The following FGF12 variants were observed in gnomAD, a reference collection of about 807,000 sequenced individuals.
The protein encoded by FGF12 is fibroblast growth factor 12.
Under a neutral mutation model 23.6 loss-of-function variants are expected in FGF12, and 14 were observed. The ratio of observed to expected loss-of-function variants is 0.59; its 90% CI spans 0.39 to 0.93. FGF12 has a LOEUF of 0.93. FGF12 is among the 40% of genes least tolerant of loss of function. FGF12 has a pLI of 0.00. For synonymous variants in FGF12, 62 were observed against 77.3 expected (o/e 0.80, Z 1.04); for missense variants, 175 against 217.8 (o/e 0.80, Z 1.24).
At chr3:192,330,723 C>CAACA (rs140219000) in intron 4 of FGF12, among the ~76,000 whole-genome samples, 5,703 of 151,636 alleles carry the variant, frequency 0.038, 201 homozygotes, top group South Asian at 0.17. Flanking sequence ...AACAAAACAA[C>CAACA]AACAAACAAA....
At chr3:192,274,951 C>G (rs890254420) in intron 4 of FGF12, among the ~76,000 whole-genome samples, 3 of 151,602 alleles carry the variant, frequency 2.0e-5, no homozygotes, top group Admixed American at 6.6e-5. Context: ...CAACTGTTTT[C>G]AAAGGGAAAA....
intron 2 of FGF12, among the ~76,000 whole-genome samples, chr3:192,458,812 T>C (rs900467176): frequency 2.0e-5 from 3 of 152,188 alleles, no homozygotes; most frequent in Non-Finnish European, 4.4e-5. Context: ...TGGAATGATA[T>C]GGTTTCGCTG....
chr3:192,248,683 C>T (rs1040145806), intron 4 of FGF12, among the ~76,000 whole-genome samples: 30 of 152,208 alleles, frequency 2.0e-4, no homozygotes, highest in African/African-American at 5.5e-4. Flanking sequence ...GAGACTGAGG[C>T]GGGAGGATGA....
intron 4 of FGF12, among the ~76,000 whole-genome samples, chr3:192,247,032 A>AGAAGGAAGGAAGGAAGGAAGGAAGGAAG (rs71177355): frequency 1.2e-5 from 1 of 86,320 alleles, no homozygotes; most frequent in African/African-American, 4.6e-5. Context: ...AGGGAAGGAA[A>AGAAGGAAGGAAGGAAGGAAGGAAGGAAG]GAAGGAAGGA....
intron 4 of FGF12, among the ~76,000 whole-genome samples, chr3:192,256,019 T>A (rs1341629449): frequency 6.6e-6 from 1 of 152,112 alleles, no homozygotes; most frequent in East Asian, 1.9e-4. Flanking sequence ...TGTTATGGTT[T>A]AACTTGTTAT....
intron 3 of FGF12, among the ~76,000 whole-genome samples, chr3:192,343,485 A>T (rs751099756): frequency 1.3e-5 from 2 of 152,156 alleles, no homozygotes; most frequent in African/African-American, 2.4e-5. Context: ...TAATATTTGC[A>T]GGCCACTCAA....
intron 4 of FGF12, among the ~76,000 whole-genome samples, chr3:192,219,354 G>C (rs9880807): frequency 0.33 from 49,913 of 151,950 alleles, 9,373 homozygotes; most frequent in East Asian, 0.89. Flanking sequence ...CAAAGTGCTG[G>C]GATTACAGAT....
intron 2 of FGF12, among the ~76,000 whole-genome samples, chr3:192,652,241 T>C (rs1323359216): frequency 1.3e-5 from 2 of 152,182 alleles, no homozygotes; most frequent in South Asian, 2.1e-4. Flanking sequence ...ATCATGTTCA[T>C]GAGAATCAGA....
chr3:192,340,336 C>A (rs1211433357), intron 3 of FGF12, among the ~76,000 whole-genome samples: 1 of 151,904 alleles, frequency 6.6e-6, no homozygotes, highest in Non-Finnish European at 1.5e-5. Flanking sequence ...GTAAGCTCTC[C>A]AAAACAAAAC....
At chr3:192,155,109 G>A (rs1403852895) in intron 5 of FGF12, among the ~76,000 whole-genome samples, 25 of 148,566 alleles carry the variant, frequency 1.7e-4, no homozygotes, top group African/African-American at 5.7e-4. Context: ...TCTTTGACTC[G>A]GAAAGGGAAC....
intron 2 of FGF12, among the ~76,000 whole-genome samples, chr3:192,406,182 T>C (rs1165289683): frequency 6.6e-6 from 1 of 151,912 alleles, no homozygotes; most frequent in Non-Finnish European, 1.5e-5. Flanking sequence ...GCAAATACAG[T>C]CCTTCCTTCC....
In FGF12 at chr3:192,408,083, C is replaced by A; in HGVS notation, c.14-47545G>T. 6.2e-7 allele frequency: 1 copy of A among 1,613,200 alleles called. No individual in the cohort carries two copies. Among genetic ancestry groups the A allele is most frequent in the South Asian group, 1.1e-5 (1 of 91,078 alleles). On this transcript the variant is annotated intron_variant, in intron 2 of 5. Transcript: ENST00000445105. The surrounding 1 kb of genome is among the most constrained non-coding windows in gnomAD (Gnocchi z 7.3). ...TGCAGAAGCGCACTTTGCTGAACAC[C>A]CCGAGGACGTGCCTCTCGCACAGGG...
At chr3:192,496,290 GC>G (rs1359680095) in intron 2 of FGF12, among the ~76,000 whole-genome samples, 1 of 151,310 alleles carries the variant, frequency 6.6e-6, no homozygotes, top group African/African-American at 2.4e-5. Flanking sequence ...CTCGGGGGGA[GC>G]TTTTCTAAAA....
chr3:192,652,398 T>C (rs1447176119), intron 2 of FGF12, among the ~76,000 whole-genome samples: 1 of 152,164 alleles, frequency 6.6e-6, no homozygotes, highest in Non-Finnish European at 1.5e-5. Flanking sequence ...GGAAGGTAGT[T>C]CTTTTGGCCT....
At chr3:192,459,023 T>C (rs1171229327) in intron 2 of FGF12, among the ~76,000 whole-genome samples, 1 of 152,190 alleles carries the variant, frequency 6.6e-6, no homozygotes, top group Non-Finnish European at 1.5e-5. Context: ...GCCACCACCA[T>C]GTAAGAAGTG....
At chr3:192,515,799 A>T (rs376432556) in intron 2 of FGF12, among the ~76,000 whole-genome samples, 1 of 149,166 alleles carries the variant, frequency 6.7e-6, no homozygotes, top group African/African-American at 2.5e-5. Context: ...GAGTTTAAAG[A>T]TCTCGATTTT....
At chr3:192,557,265 A>AT (rs34519806) in intron 2 of FGF12, among the ~76,000 whole-genome samples, 86,949 of 149,406 alleles carry the variant, frequency 0.58, 25,702 homozygotes, top group East Asian at 0.9. Context: ...AAAATTAAGA[A>AT]TTTTTTTTTG....
intron 2 of FGF12, among the ~76,000 whole-genome samples, chr3:192,487,368 C>T (rs1577013221): frequency 6.6e-6 from 1 of 152,132 alleles, no homozygotes; most frequent in Non-Finnish European, 1.5e-5. Flanking sequence ...CTTATTAGTC[C>T]CAGATGACTT....
intron 2 of FGF12, among the ~76,000 whole-genome samples, chr3:192,638,496 T>C (rs1333492726): frequency 6.6e-6 from 1 of 152,216 alleles, no homozygotes; most frequent in Non-Finnish European, 1.5e-5. Flanking sequence ...ATGTTACCTG[T>C]AGCTTCATGC....
Sources: allele counts gnomAD v4.1 joint callset (sites outside exome capture counted in the v4.1 genomes callset), GRCh38; gene constraint gnomAD v4.1.1; non-coding constraint Gnocchi (gnomAD v3.1); transcripts MANE v1.5; gene names NCBI Gene and HGNC (gene_info 2026-07-23, HGNC 2026-07-21).